Variants in TENM1 observed in about 807,000 individuals in gnomAD.
TENM1 encodes teneurin transmembrane protein 1.
Under a neutral mutation model 174.8 loss-of-function variants are expected in TENM1, and 35 were observed. The ratio of observed to expected loss-of-function variants is 0.20; its 90% CI spans 0.15 to 0.27. The LOEUF (loss-of-function observed/expected upper bound fraction) is 0.27. Among genes scored for constraint, TENM1 ranks in the 10% least tolerant of loss-of-function variants. The probability of loss-of-function intolerance (pLI) is 1.00; values close to 1 mark genes in which losing one functional copy is unlikely to be tolerated. For synonymous variants in TENM1, 781 were observed against 798.7 expected (o/e 0.98, Z 0.37); for missense variants, 1,633 against 2,130.1 (o/e 0.77, Z 4.59).
At chrX:124,886,313 C>A (rs1175130748) in intron 3 of TENM1, among the ~76,000 whole-genome samples, 3 of 109,539 alleles carry the variant, frequency 2.7e-5, no homozygotes, top group African/African-American at 6.6e-5. Flanking sequence ...TTAATAGCTA[C>A]GTTATTTGTA....
chrX:124,810,292 T>A (rs979937555), intron 3 of TENM1, among the ~76,000 whole-genome samples: 1 of 111,694 alleles, frequency 9.0e-6, no homozygotes, highest in African/African-American at 3.3e-5. Context: ...TTTGTAGACA[T>A]GATCTTATAT....
At chrX:124,503,495 G>T in intron 19 of TENM1, 65 bp downstream of exon 22, 1 of 1,038,353 alleles carries the variant, frequency 9.6e-7, no homozygotes, top group Non-Finnish European at 1.3e-6. Flanking sequence ...CAAATTTTCT[G>T]CAATAAATAT....
At chrX:124,481,683 G>C in intron 22 of TENM1, 49 bp downstream of exon 25, 1 of 284,848 alleles carries the variant, frequency 3.5e-6, no homozygotes, top group Non-Finnish European at 5.5e-6. Flanking sequence ...AAAATCTTTA[G>C]ATGACCCAAG....
chrX:124,454,797 A>G (rs1466338759), intron 22 of TENM1, among the ~76,000 whole-genome samples: 2 of 112,390 alleles, frequency 1.8e-5, no homozygotes, highest in Non-Finnish European at 3.8e-5. Context: ...GGTGCTTTTG[A>G]CAGTGCTCTT....
At chrX:124,940,603 C>G (rs977357362) in intron 1 of TENM1, among the ~76,000 whole-genome samples, 2 of 111,216 alleles carry the variant, frequency 1.8e-5, no homozygotes, top group Non-Finnish European at 3.8e-5. Context: ...TTCCCTGCAA[C>G]CCTACTACCA....
chrX:124,708,838 A>AT (rs2052974746), intron 4 of TENM1, among the ~76,000 whole-genome samples: 1 of 111,575 alleles, frequency 9.0e-6, no homozygotes, highest in Non-Finnish European at 1.9e-5. Context: ...TGTAACTAAG[A>AT]TAAAAAAAAA....
At chrX:124,745,175 G>C (rs2053888051) in intron 3 of TENM1, among the ~76,000 whole-genome samples, 1 of 111,365 alleles carries the variant, frequency 9.0e-6, no homozygotes, top group Non-Finnish European at 1.9e-5. Context: ...TGGTTATTTG[G>C]CAAGAAAGAT....
intron 25 of TENM1, among the ~76,000 whole-genome samples, chrX:124,417,502 G>A (rs12383876): frequency 0.28 from 31,358 of 110,318 alleles, 3,733 homozygotes; most frequent in Non-Finnish European, 0.37. Flanking sequence ...GTGAGCCACT[G>A]TGCCTGGCCC....
chrX:124,589,029 G>A (rs967179423), intron 11 of TENM1, among the ~76,000 whole-genome samples: 2 of 109,794 alleles, frequency 1.8e-5, no homozygotes, highest in Non-Finnish European at 3.8e-5. Flanking sequence ...GATGTTGGCT[G>A]TGAGTTTGTC....
chrX:124,972,544 C>T, the TENM1 span, among the ~76,000 whole-genome samples: 1 of 111,982 alleles, frequency 8.9e-6, no homozygotes, highest in African/African-American at 3.2e-5. Flanking sequence ...TGATTGAATT[C>T]TAACACTGAA....
the TENM1 span, among the ~76,000 whole-genome samples, chrX:125,176,272 C>T: frequency 1.8e-5 from 2 of 111,698 alleles, no homozygotes; most frequent in Admixed American, 1.9e-4. Context: ...TTGTATTATT[C>T]TTTAAAAAGC....
chrX:125,166,003 A>T, the TENM1 span, among the ~76,000 whole-genome samples: 642 of 111,710 alleles, frequency 5.7e-3, 1 homozygote, highest in Middle Eastern at 0.018. Context: ...AGCAAGCAGA[A>T]CAAATTAATA....
Position 124,752,193 on chromosome X carries a change from G to A in TENM1, c.536-14996C>T, listed in dbSNP as rs1339614451. On this transcript the variant is annotated intron_variant, in intron 3 of 31. Coordinates refer to ENST00000422452, the Ensembl canonical transcript of TENM1. ...TTTAGTGATTGCCATTCTAACTGGT[G>A]TGAGATGGTATCTCATTGTGGTTTT... Among the ~76,000 whole-genome samples, 6 of 111,789 alleles carry A rather than the reference G, an allele frequency of 5.4e-5. No individual in the cohort carries two copies. In the Admixed American group the frequency reaches 5.7e-4, roughly 11 times the overall value.
At chrX:125,168,955 C>T in the TENM1 span, among the ~76,000 whole-genome samples, 3 of 110,077 alleles carry the variant, frequency 2.7e-5, no homozygotes, top group Non-Finnish European at 5.7e-5. Flanking sequence ...TGGTTTGTTA[C>T]ACAGCCACAG....
chrX:124,622,374 A>C (rs746209967), intron 11 of TENM1, among the ~76,000 whole-genome samples: 67 of 112,289 alleles, frequency 6.0e-4, no homozygotes, highest in African/African-American at 2.1e-3. Context: ...AAACGCTCAC[A>C]AGGTCAAGTC....
the TENM1 span, among the ~76,000 whole-genome samples, chrX:125,067,485 G>C: frequency 9.0e-6 from 1 of 111,192 alleles, no homozygotes; most frequent in Non-Finnish European, 1.9e-5. Flanking sequence ...TTTATCTAAT[G>C]AAAGCTTTTC....
At chrX:124,601,679 T>C (rs1295211734) in intron 11 of TENM1, among the ~76,000 whole-genome samples, 1 of 110,701 alleles carries the variant, frequency 9.0e-6, no homozygotes, top group African/African-American at 3.3e-5. Context: ...TGAATTTTTA[T>C]TGGTATCAGT....
At chrX:124,823,231 A>G (rs1223810035) in intron 3 of TENM1, among the ~76,000 whole-genome samples, 3 of 112,232 alleles carry the variant, frequency 2.7e-5, no homozygotes, top group South Asian at 7.4e-4. Context: ...GGCAATAGGC[A>G]TTGGTAAAAA....
chrX:125,199,553 C>CAT, the TENM1 span, among the ~76,000 whole-genome samples: 5 of 111,684 alleles, frequency 4.5e-5, no homozygotes, highest in African/African-American at 1.6e-4. Context: ...GGTTAGTTGG[C>CAT]ATATATGCAT....
Sources: gnomAD v4.1 joint callset for allele counts (sites outside exome capture counted in the v4.1 genomes callset) on GRCh38, gnomAD v4.1.1 for gene constraint, MANE v1.5 for transcripts, NCBI Gene and HGNC (gene_info 2026-07-23, HGNC 2026-07-21) for gene names.